ZBTB20: variants seen among roughly 807,000 people sequenced by gnomAD.
ZBTB20 encodes zinc finger and BTB domain-containing protein 20.
A neutral mutation model predicts 56.9 loss-of-function variants in ZBTB20; 9 were observed. The ratio of observed to expected loss-of-function variants is 0.16; its 90% CI spans 0.10 to 0.28. The LOEUF is 0.28. Ranked by LOEUF, ZBTB20 falls within the 10% of genes least tolerant of loss-of-function variation. ZBTB20 has a pLI of 1.00. For missense variants in ZBTB20, 655 were observed against 1,003.0 expected (o/e 0.65, Z 4.69); for synonymous variants, 417 against 420.7 (o/e 0.99, Z 0.11).
At chr3:114,609,528 T>C (rs1039051432) in intron 6 of ZBTB20, among the ~76,000 whole-genome samples, 1 of 152,204 alleles carries the variant, frequency 6.6e-6, no homozygotes, top group East Asian at 1.9e-4. Flanking sequence ...GGTTTCACTT[T>C]GGGGGAAAAA....
At chr3:115,079,821 C>G (rs1263146632) in intron 1 of ZBTB20, among the ~76,000 whole-genome samples, 1 of 152,178 alleles carries the variant, frequency 6.6e-6, no homozygotes, top group Non-Finnish European at 1.5e-5. Flanking sequence ...ATTATCCATA[C>G]TTTAAAAATA....
intron 2 of ZBTB20, among the ~76,000 whole-genome samples, chr3:115,066,730 C>T (rs1031392959): frequency 2.6e-5 from 4 of 152,086 alleles, no homozygotes; most frequent in Non-Finnish European, 5.9e-5. Flanking sequence ...TGTGGCTCTT[C>T]ACCTTGCATG....
chr3:114,818,598 C>A (rs1312403103), intron 4 of ZBTB20, among the ~76,000 whole-genome samples: 5 of 151,574 alleles, frequency 3.3e-5, no homozygotes, highest in African/African-American at 1.2e-4. Flanking sequence ...ACAATATTTA[C>A]CAGAAAAAAA....
chr3:115,061,553 T>C (rs1355428238), intron 2 of ZBTB20, among the ~76,000 whole-genome samples: 1 of 152,184 alleles, frequency 6.6e-6, no homozygotes, highest in Non-Finnish European at 1.5e-5. Flanking sequence ...GAAAGAAAAA[T>C]ATAGGCAAAA....
At chr3:114,979,037 G>A (rs1056599622) in intron 2 of ZBTB20, among the ~76,000 whole-genome samples, 2 of 151,966 alleles carry the variant, frequency 1.3e-5, no homozygotes, top group Middle Eastern at 3.4e-3. Context: ...GTATCGTGAG[G>A]AAGGGAAGAG....
At chr3:114,591,498 G>A (rs781628270) in intron 6 of ZBTB20, among the ~76,000 whole-genome samples, 5 of 152,114 alleles carry the variant, frequency 3.3e-5, no homozygotes, top group Non-Finnish European at 5.9e-5. Context: ...AAAGTTACAT[G>A]TCTATTATTT....
rs184334160 is a variant in ZBTB20 at position 114,845,293 on chromosome 3, C to T, written c.-416-44119G>A. ...ATAGAAACTTAGTTCATTGGCAGCA[C>T]AGAAAATAAAATAGCCTCTAGTGCA... On this transcript the variant is annotated intron_variant, in intron 4 of 11. Transcript: ENST00000675478. Among the ~76,000 whole-genome samples the T allele has an allele frequency of 4.2e-3, 628 of 148,546 alleles. 1 individual carries two copies. Among genetic ancestry groups the T allele is most frequent in the South Asian group, 0.016 (71 of 4,516 alleles).
chr3:114,672,580 G>A (rs1183298070), intron 6 of ZBTB20, among the ~76,000 whole-genome samples: 1 of 152,078 alleles, frequency 6.6e-6, no homozygotes, highest in Non-Finnish European at 1.5e-5. Context: ...GTTCCAAGAG[G>A]GCCAGTAGAC....
intron 5 of ZBTB20, among the ~76,000 whole-genome samples, chr3:114,745,410 G>A (rs1422033635): frequency 6.6e-6 from 1 of 152,154 alleles, no homozygotes; most frequent in African/African-American, 2.4e-5. Context: ...TGCTAAGAGG[G>A]AGTTCCTCTT....
At chr3:114,729,335 T>C (rs1419196451) in intron 5 of ZBTB20, among the ~76,000 whole-genome samples, 3 of 152,222 alleles carry the variant, frequency 2.0e-5, no homozygotes, top group Admixed American at 1.3e-4. Flanking sequence ...ATTAACAAAA[T>C]GCATTTTCCA....
rs547485344 is a variant in ZBTB20 at position 114,974,389 on chromosome 3, G to C, written c.-479C>G. 1 of 152,020 alleles carries C rather than the reference G, an allele frequency of 6.6e-6. No individual in the cohort carries two copies. Among genetic ancestry groups the C allele is most frequent in the South Asian group, 2.1e-4 (1 of 4,816 alleles). The allele number at this position is 152,020 out of a possible 1,614,324, so 9.4% of individuals were successfully genotyped here. A position where few individuals can be genotyped will look rare whatever the true frequency, so the allele number is the denominator to read the frequency against. Reference sequence around the variant, plus strand: ...ACCTTCAGCCTTCAGAGTCCCAAAGGCAATTCTTAACACTTCTTTTTATTT... The same window carrying C: ...ACCTTCAGCCTTCAGAGTCCCAAAGCCAATTCTTAACACTTCTTTTTATTT... On this transcript the variant is annotated 5_prime_UTR_variant, in exon 3 of 12. Transcript: ENST00000675478.
chr3:115,113,252 T>TA (rs1452061860), intron 1 of ZBTB20, among the ~76,000 whole-genome samples: 1 of 152,204 alleles, frequency 6.6e-6, no homozygotes, highest in African/African-American at 2.4e-5. Flanking sequence ...GGTTTAATTT[T>TA]AAAAAACAGT....
chr3:114,462,364 C>T (rs1395234498), intron 7 of ZBTB20, among the ~76,000 whole-genome samples: 1 of 152,152 alleles, frequency 6.6e-6, no homozygotes, highest in Non-Finnish European at 1.5e-5. Context: ...GAACCAAGTG[C>T]TAAATTTCTT....
chr3:114,817,674 AAAGT>A (rs1229341425), intron 4 of ZBTB20, among the ~76,000 whole-genome samples: 1 of 152,040 alleles, frequency 6.6e-6, no homozygotes, highest in African/African-American at 2.4e-5. Context: ...CATGAACTAG[AAAGT>A]AAGTTCCTTG....
chr3:114,970,950 G>C (rs1214432766), intron 3 of ZBTB20, among the ~76,000 whole-genome samples: 1 of 151,824 alleles, frequency 6.6e-6, no homozygotes, highest in African/African-American at 2.4e-5. Context: ...GGGAGGTGGA[G>C]CTTGCAGTGA....
At chr3:114,717,238 A>C (rs1040366025) in intron 5 of ZBTB20, among the ~76,000 whole-genome samples, 1 of 152,186 alleles carries the variant, frequency 6.6e-6, no homozygotes, top group Non-Finnish European at 1.5e-5. Context: ...GAATGATATA[A>C]ACTAATTTCT....
intron 5 of ZBTB20, among the ~76,000 whole-genome samples, chr3:114,728,164 AG>A (rs1451963249): frequency 6.6e-6 from 1 of 152,160 alleles, no homozygotes; most frequent in African/African-American, 2.4e-5. Context: ...GTAAATTCCT[AG>A]GAGGTCCCAA....
At chr3:114,457,601 T>G (rs1454349097) in intron 7 of ZBTB20, among the ~76,000 whole-genome samples, 3 of 152,196 alleles carry the variant, frequency 2.0e-5, no homozygotes, top group Non-Finnish European at 4.4e-5. Context: ...TTTACTATAT[T>G]TCCTGGCTCA....
At chr3:114,971,062 TAG>T (rs1458419815) in intron 3 of ZBTB20, among the ~76,000 whole-genome samples, 1 of 152,162 alleles carries the variant, frequency 6.6e-6, no homozygotes, top group Non-Finnish European at 1.5e-5. Context: ...CCAAGTCATT[TAG>T]AGAGAACATA....
Sources: gnomAD v4.1 joint callset for allele counts (sites outside exome capture counted in the v4.1 genomes callset) on GRCh38, gnomAD v4.1.1 for gene constraint, MANE v1.5 for transcripts, NCBI Gene and HGNC (gene_info 2026-07-23, HGNC 2026-07-21) for gene names.